The following PAX8 variants were observed in gnomAD, a reference collection of about 807,000 sequenced individuals.
PAX8 encodes paired box protein Pax-8.
PAX8 carries 15 observed loss-of-function variants against 52.4 expected under a neutral mutation model. The observed-to-expected ratio is 0.29, with a 90% CI of 0.19 to 0.44. The LOEUF (loss-of-function observed/expected upper bound fraction) is 0.44. Ranked by LOEUF, PAX8 falls within the 20% of genes least tolerant of loss-of-function variation. The pLI is 1.00. For synonymous variants in PAX8, 284 were observed against 249.7 expected, an observed-to-expected ratio of 1.14 and a Z score of -1.29; for missense variants, 554 against 602.5, an observed-to-expected ratio of 0.92 and a Z score of 0.84.
chr2:113,236,184 CTGGAGG>C (rs1690298743), intron 8 of PAX8: 1 of 142,886 alleles, frequency 7.0e-6, no homozygotes. Flanking sequence ...CGGCCTAGGA[CTGGAGG>C]CGCGACCCCT....
At chr2:113,227,042 G>C in intron 10 of PAX8, 113 bp downstream of exon 10, 2 of 1,534,574 alleles carry the variant, frequency 1.3e-6, no homozygotes, top group Non-Finnish European at 1.7e-6. Context: ...ATCCTTCAAT[G>C]CCCTTTGGGA....
chr2:113,246,076 G>T (rs923849868), intron 3 of PAX8, among the ~76,000 whole-genome samples: 1 of 152,216 alleles, frequency 6.6e-6, no homozygotes, highest in Non-Finnish European at 1.5e-5. Flanking sequence ...GCTGCTCCTG[G>T]TCTCTTCTGA....
chr2:113,217,299 T>A lies in PAX8; in HGVS notation c.*1234A>T, dbSNP rs1689060066. On this transcript the variant is annotated 3_prime_UTR_variant, in exon 12 of 12. Transcript: ENST00000429538. ...GAGTTTGTCGGCTACTCAGCTCTGA[T>A]GTTCTTGGGAGAAAGCCCAGCCCCG... 1 of 227,516 alleles carries A rather than the reference T, an allele frequency of 4.4e-6. No individual in the cohort carries two copies. The allele number at this position is 227,516 out of a possible 1,614,324, so 14.1% of individuals were successfully genotyped here. A position where few individuals can be genotyped will look rare whatever the true frequency, so the allele number is the denominator to read the frequency against.
rs553965931 is a variant in PAX8, at chr2:113,217,262, C to T, written c.*1271G>A. 5 of 228,506 alleles carry T rather than the reference C, an allele frequency of 2.2e-5. No individual in the cohort carries two copies. Among genetic ancestry groups the T allele is most frequent in the African/African-American group, 8.9e-5 (4 of 45,132 alleles). The allele number at this position is 228,506 out of a possible 1,614,324, so 14.2% of individuals were successfully genotyped here. A position where few individuals can be genotyped will look rare whatever the true frequency, so the allele number is the denominator to read the frequency against. ...GCATCAGATGGTCCCTTCCAGCCCA[C>T]GGCCCCAAAGTGAGTTTGTCGGCTA... On this transcript the variant is annotated 3_prime_UTR_variant, in exon 12 of 12. Transcript: ENST00000429538.
intron 7 of PAX8, chr2:113,240,806 A>G (rs1309229204): frequency 6.4e-6 from 1 of 155,418 alleles, no homozygotes; most frequent in African/African-American, 2.4e-5. Flanking sequence ...TGCTGGGAAT[A>G]AAAACGATGT....
At chr2:113,242,862 C>T (rs1420145139) in intron 4 of PAX8, 84 bp from the exon 5 acceptor site, 1 of 1,045,066 alleles carries the variant, frequency 9.6e-7, no homozygotes, top group South Asian at 1.3e-5. Context: ...GCCTTTTTGA[C>T]ACCCCTTTTG....
intron 7 of PAX8, chr2:113,241,165 A>T: frequency 2.7e-6 from 1 of 372,074 alleles, no homozygotes; most frequent in South Asian, 2.2e-5. Context: ...GTGCAGGATG[A>T]GTGGCCAAAG....
At chr2:113,257,863 A>G (rs1375252411) in intron 2 of PAX8, among the ~76,000 whole-genome samples, 1 of 152,182 alleles carries the variant, frequency 6.6e-6, no homozygotes, top group East Asian at 1.9e-4. Flanking sequence ...AATTCTTATA[A>G]TAACCCTTTG....
At chr2:113,277,953 A>AAGG (rs1452119795) in intron 2 of PAX8, among the ~76,000 whole-genome samples, 1 of 152,214 alleles carries the variant, frequency 6.6e-6, no homozygotes, top group South Asian at 2.1e-4. Context: ...AGTCACTGGG[A>AAGG]AGGACTGCGC....
At chr2:113,278,666 A>C (rs989776126) in intron 1 of PAX8, 165 bp downstream of exon 1, 1 of 637,354 alleles carries the variant, frequency 1.6e-6, no homozygotes, top group Non-Finnish European at 2.6e-6. Context: ...AGTGCGCTGA[A>C]GAAGCTCCAG....
chr2:113,267,052 C>T (rs1693120283), intron 2 of PAX8: 1 of 152,226 alleles, frequency 6.6e-6, no homozygotes, highest in South Asian at 2.1e-4. Flanking sequence ...GTTCACACTT[C>T]TCCTTTAGAG....
chr2:113,220,355 C>T (rs1017666816), intron 10 of PAX8, 177 bp from the exon 11 acceptor site: 5 of 608,886 alleles, frequency 8.2e-6, no homozygotes, highest in Non-Finnish European at 1.5e-5. Flanking sequence ...CTTTTGGAAC[C>T]CATCGATCTG....
intron 2 of PAX8, among the ~76,000 whole-genome samples, chr2:113,255,978 G>T (rs1006757249): frequency 6.8e-6 from 1 of 147,680 alleles, no homozygotes; most frequent in Non-Finnish European, 1.5e-5. Flanking sequence ...GCATATGCCT[G>T]CCAGGGCTCA....
At chr2:113,244,653 A>G (rs1037450334) in intron 3 of PAX8, 29 bp from the exon 4 acceptor site, 4 of 1,604,198 alleles carry the variant, frequency 2.5e-6, no homozygotes, top group Non-Finnish European at 2.6e-6. Context: ...CCAAAGAATT[A>G]CCCAATAAGC....
chr2:113,243,612 G>A (rs1480327542), intron 4 of PAX8, among the ~76,000 whole-genome samples: 2 of 152,088 alleles, frequency 1.3e-5, no homozygotes, highest in African/African-American at 2.4e-5. Flanking sequence ...GGTTGGTCTC[G>A]AACGCCTGAT....
At chr2:113,227,763 T>A (rs189599610) in intron 9 of PAX8, among the ~76,000 whole-genome samples, 1 of 152,164 alleles carries the variant, frequency 6.6e-6, no homozygotes, top group Non-Finnish European at 1.5e-5. Context: ...TCATCACTAT[T>A]TTTTGGGGGG....
At chr2:113,233,539 G>A (rs1690033109) in intron 9 of PAX8, among the ~76,000 whole-genome samples, 1 of 151,998 alleles carries the variant, frequency 6.6e-6, no homozygotes, top group African/African-American at 2.4e-5. Flanking sequence ...TTAGCCGGGT[G>A]TAGTGGCGCC....
intron 2 of PAX8, among the ~76,000 whole-genome samples, chr2:113,257,804 G>T (rs1376189298): frequency 2.0e-5 from 3 of 152,110 alleles, no homozygotes; most frequent in Non-Finnish European, 4.4e-5. Context: ...ATTATGGGAG[G>T]TGCTTATTTT....
rs180908497 is a variant in PAX8, at chr2:113,258,493, C to T, written c.26-11574G>A. ...GCCACCGCTCCCCTACCCATCTGCC[C>T]GGAGTCTTCCCTTCTCTCTCCCTCC... On this transcript the variant is annotated intron_variant, in intron 2 of 11. Transcript: ENST00000429538. 1.4e-4 allele frequency among the ~76,000 whole-genome samples: 21 copies of T among 152,290 alleles called. No homozygotes were observed. The East Asian group carries it at 3.7e-3, about 27-fold the overall frequency.
Sources: allele counts gnomAD v4.1 joint callset (sites outside exome capture counted in the v4.1 genomes callset), GRCh38; gene constraint gnomAD v4.1.1; transcripts MANE v1.5; gene names NCBI Gene and HGNC (gene_info 2026-07-23, HGNC 2026-07-21).